Variants in VCPIP1 observed in about 807,000 individuals in gnomAD.
VCPIP1 encodes deubiquitinating protein VCPIP1.
A neutral mutation model predicts 85.0 loss-of-function variants in VCPIP1; 8 were observed. That is an observed-to-expected ratio of 0.09 (90% confidence interval 0.06 to 0.17). The LOEUF (loss-of-function observed/expected upper bound fraction) is 0.17, where lower values mean the gene tolerates loss of function less well. Among genes scored for constraint, VCPIP1 ranks in the 10% least tolerant of loss-of-function variants. The probability of loss-of-function intolerance (pLI) is 1.00; values close to 1 mark genes in which losing one functional copy is unlikely to be tolerated. For synonymous variants in VCPIP1, 543 were observed against 544.5 expected, an observed-to-expected ratio of 1.00 and a Z score of 0.04; for missense variants, 1,070 against 1,486.3, an observed-to-expected ratio of 0.72 and a Z score of 4.61.
At position 66,665,109 on chromosome 8, in the gene VCPIP1, G is replaced by T; in HGVS notation, c.1850C>A (p.Ser617Tyr). Residue 617 changes from serine (S) to tyrosine (Y), a missense_variant, in exon 1 of 3, where the codon TCT becomes TAT. Physicochemically the swap from Ser to Tyr is moderately radical, Grantham distance 144 (BLOSUM62 -2). This residue lies in a region of VCPIP1 where 123 missense variants were observed against 156.3 expected (regional missense o/e 0.79). Transcript: ENST00000310421. The surrounding 1 kb of genome is among the most constrained non-coding windows in gnomAD (Gnocchi z 4.3). Reference protein sequence around the residue: ...VYWFQYESDSSLNSNVYDVAM... With the variant: ...VYWFQYESDSYLNSNVYDVAM... ...AACATCGTAAACATTACTATTCAAA[G>T]ATGAATCACTTTCATACTGGAACCA... 1 of 1,613,480 alleles carries T rather than the reference G, an allele frequency of 6.2e-7. No homozygotes were observed. Among genetic ancestry groups the T allele is most frequent in the Non-Finnish European group, 8.5e-7 (1 of 1,179,570 alleles).
chr8:66,660,736 T>A (rs1381325045), intron 1 of VCPIP1, among the ~76,000 whole-genome samples: 1 of 151,594 alleles, frequency 6.6e-6, no homozygotes, highest in Non-Finnish European at 1.5e-5. Context: ...TAGGAACATC[T>A]TTTTTTTTAA....
In VCPIP1 at chr8:66,664,744, GTTC is replaced by G. The variant is rs1472253104; in HGVS notation, c.2212_2214del (p.Glu738del). On this transcript the variant is annotated inframe_deletion, in exon 1 of 3. Transcript: ENST00000310421. ...GAAACAGTCCTGGGTTGCCCTTTTT[GTTC>G]TTGTTTTAACTTCTCTGTTTTCCGT... The G allele has an allele frequency of 1.9e-6, 3 of 1,612,850 alleles. No homozygotes were observed. The highest frequency in any genetic ancestry group is 1.1e-5 in the South Asian group (1 of 90,970).
At chr8:66,643,089 G>A (rs940727254) in intron 2 of VCPIP1, among the ~76,000 whole-genome samples, 9 of 151,468 alleles carry the variant, frequency 5.9e-5, no homozygotes, top group African/African-American at 9.7e-5. Flanking sequence ...TTGGGAGCCC[G>A]AGGTGTGCAG....
rs1384274529 is a variant in VCPIP1, at chr8:66,630,480, G to A, written c.*4021C>T. On this transcript the variant is annotated 3_prime_UTR_variant, in exon 3 of 3. Coordinates refer to ENST00000310421, the MANE Select transcript of VCPIP1 (RefSeq NM_025054.5). ...TACCACAGGCATAATAAGGGCTCAG[G>A]ACGAGATTTCTGCATTCTAAAGAAA... The A allele has an allele frequency of 6.6e-6, 1 of 152,526 alleles. No individual in the cohort carries two copies. Among genetic ancestry groups the A allele is most frequent in the African/African-American group, 2.4e-5 (1 of 41,404 alleles). The allele number at this position is 152,526 out of a possible 1,614,324, so 9.4% of individuals were successfully genotyped here.
Position 66,629,295 on chromosome 8 carries a change from C to T in VCPIP1, c.*5206G>A, listed in dbSNP as rs1465035484. The T allele has an allele frequency of 1.3e-5, 2 of 152,096 alleles. No individual in the cohort carries two copies. Among genetic ancestry groups the T allele is most frequent in the African/African-American group, 4.8e-5 (2 of 41,400 alleles). 9.4% of individuals were successfully genotyped at this position (152,096 alleles called of 1,614,324 possible). On this transcript the variant is annotated 3_prime_UTR_variant, in exon 3 of 3. Coordinates refer to ENST00000310421, the MANE Select transcript of VCPIP1 (RefSeq NM_025054.5). ...GAGTCAGACCTAGGCAGTCTGGTGT[C>T]TAAGGCTATACTCTAAATTATTGAG...
intron 2 of VCPIP1, among the ~76,000 whole-genome samples, chr8:66,639,652 T>C (rs1341624972): frequency 5.3e-5 from 8 of 152,238 alleles, no homozygotes; most frequent in African/African-American, 1.9e-4. Context: ...AGAATACCTT[T>C]CCAAAAATGA....
rs1810860668 is a variant in VCPIP1, at chr8:66,634,100, T to C, written c.*401A>G. Reference sequence around the variant, plus strand: ...AACCTTTTGACACTAGTATATGAGATGGTTACCTTGATGACATCAACATTA... The same window carrying C: ...AACCTTTTGACACTAGTATATGAGACGGTTACCTTGATGACATCAACATTA... On this transcript the variant is annotated 3_prime_UTR_variant, in exon 3 of 3. Coordinates refer to ENST00000310421, the MANE Select transcript of VCPIP1 (RefSeq NM_025054.5). 1 of 157,906 alleles carries C rather than the reference T, an allele frequency of 6.3e-6. No homozygotes were observed. The highest frequency in any genetic ancestry group is 2.4e-5 in the African/African-American group (1 of 41,682). The allele number at this position is 157,906 out of a possible 1,614,324, so 9.8% of individuals were successfully genotyped here. A position where few individuals can be genotyped will look rare whatever the true frequency, so the allele number is the denominator to read the frequency against.
At chr8:66,659,227 T>G (rs751174973) in intron 1 of VCPIP1, among the ~76,000 whole-genome samples, 1 of 151,538 alleles carries the variant, frequency 6.6e-6, no homozygotes, top group Non-Finnish European at 1.5e-5. Context: ...GAAAGAGTGT[T>G]GCTCTGTTGC....
At chr8:66,650,393 G>A (rs898036503) in intron 2 of VCPIP1, among the ~76,000 whole-genome samples, 11 of 152,144 alleles carry the variant, frequency 7.2e-5, no homozygotes, top group African/African-American at 2.7e-4. Context: ...ACAGTGGCCA[G>A]GTAGGTGAAA....
At position 66,651,553 on chromosome 8, in the gene VCPIP1, C is replaced by G; in HGVS notation, c.2711-9G>C. The G allele has an allele frequency of 6.2e-7, 1 of 1,608,364 alleles. No homozygotes were observed. The highest frequency in any genetic ancestry group is 8.5e-7 in the Non-Finnish European group (1 of 1,176,962). On this transcript the variant is annotated splice_polypyrimidine_tract_variant and intron_variant, in intron 1 of 2. Transcript: ENST00000310421. ...AGACCATACATCTTCTCCTGTAAGA[C>G]AAAAACAGATATAGTATTAGCAACA...
At chr8:66,638,970 C>CTCTCTCTCTCTCTATATATATATATATA in intron 2 of VCPIP1, among the ~76,000 whole-genome samples, 8 of 118,434 alleles carry the variant, frequency 6.8e-5, no homozygotes, top group African/African-American at 1.9e-4. Context: ...CTCTCTCTCT[C>CTCTCTCTCTCTCTATATATATATATATA]TATATATATA....
intron 2 of VCPIP1, among the ~76,000 whole-genome samples, chr8:66,648,178 A>T (rs572521261): frequency 1.1e-4 from 16 of 152,348 alleles, no homozygotes; most frequent in African/African-American, 3.6e-4. Context: ...CTAGTTATTC[A>T]AAGTGTTTTT....
rs574862668 is a variant in VCPIP1 at position 66,660,112 on chromosome 8, T to A, written c.2710+4137A>T. On this transcript the variant is annotated intron_variant, in intron 1 of 2. Transcript: ENST00000310421. ...CTTCAGCTGAAAGCCTGCAGGTAAGTTAATGGAGGGCAAGCACTGACTTTC... is the reference window on the plus strand; with the variant it reads ...CTTCAGCTGAAAGCCTGCAGGTAAGATAATGGAGGGCAAGCACTGACTTTC... 5.3e-5 allele frequency among the ~76,000 whole-genome samples: 8 copies of A among 152,248 alleles called. No individual in the cohort carries two copies. The South Asian group carries it at 1.7e-3, about 32-fold the overall frequency.
At chr8:66,659,919 GA>G (rs951458216) in intron 1 of VCPIP1, among the ~76,000 whole-genome samples, 8 of 145,586 alleles carry the variant, frequency 5.5e-5, no homozygotes, top group African/African-American at 1.3e-4. Flanking sequence ...TCTGTCTCCA[GA>G]AAAAAAAAAG....
Position 66,629,030 on chromosome 8 carries a change from A to C in VCPIP1, c.*5471T>G, listed in dbSNP as rs2031190062. ...GTACAAGTAAAATAAGTTTTAATGT[A>C]ACAAATTATTTAAATAATGTGTGCC... On this transcript the variant is annotated 3_prime_UTR_variant, in exon 3 of 3. Coordinates refer to ENST00000310421, the MANE Select transcript of VCPIP1 (RefSeq NM_025054.5). 1 of 152,250 alleles carries C rather than the reference A, an allele frequency of 6.6e-6. No individual in the cohort carries two copies. The highest frequency in any genetic ancestry group is 2.4e-5 in the African/African-American group (1 of 41,472). The allele number at this position is 152,250 out of a possible 1,614,324, so 9.4% of individuals were successfully genotyped here. A position where few individuals can be genotyped will look rare whatever the true frequency, so the allele number is the denominator to read the frequency against.
chr8:66,666,776 C>T lies in VCPIP1; in HGVS notation c.183G>A (p.Pro61=). 2 of 1,613,452 alleles carry T rather than the reference C, an allele frequency of 1.2e-6. No individual in the cohort carries two copies. Among genetic ancestry groups the T allele is most frequent in the Non-Finnish European group, 1.7e-6 (2 of 1,179,544 alleles). Residue 61 remains proline, a synonymous_variant, in exon 1 of 3, where the codon CCG becomes CCA. Transcript: ENST00000310421. The surrounding 1 kb of genome is among the most constrained non-coding windows in gnomAD (Gnocchi z 6.3). ...DPKCQARLFF[P]ASGSVSIECT... Reference sequence around the variant, plus strand: ...ACTCGATGCTGACAGAACCGGAGGCCGGGAAAAATAGACGCGCCTGACACT... The same window carrying T: ...ACTCGATGCTGACAGAACCGGAGGCTGGGAAAAATAGACGCGCCTGACACT...
At position 66,634,578 on chromosome 8, in the gene VCPIP1, A is replaced by G. The variant is rs1031997393; in HGVS notation, c.3592T>C (p.Ser1198Pro). The stretch of plus-strand genomic sequence containing the variant: ...TCCATCTCTTCAAGCTCCTCCACGG[A>G]ATTTCCCCTTTGTGCTTTTGACCTT... ...ATRSKAQRGN[S>P]VEELEEMDSQ... The change falls in exon 3 of 3, where the codon TCC (serine) becomes CCC (proline). Residue 1198 changes from serine to proline, a missense_variant. Transcript: ENST00000310421. 1 of 1,614,104 alleles carries G rather than the reference A, an allele frequency of 6.2e-7. No homozygotes were observed. The highest frequency in any genetic ancestry group is 8.5e-7 in the Non-Finnish European group (1 of 1,180,022).
intron 2 of VCPIP1, among the ~76,000 whole-genome samples, 168 bp from the exon 3 acceptor site, chr8:66,635,540 C>T (rs1810875902): frequency 6.6e-6 from 1 of 152,144 alleles, no homozygotes; most frequent in South Asian, 2.1e-4. Context: ...GAACCACCGC[C>T]ATAGACCCTA....
In VCPIP1 at chr8:66,632,855, T is replaced by C. The variant is rs1810847608; in HGVS notation, c.*1646A>G. The C allele has an allele frequency of 6.6e-6, 1 of 152,088 alleles. No individual in the cohort carries two copies. The highest frequency in any genetic ancestry group is 2.4e-5 in the African/African-American group (1 of 41,446). 9.4% of individuals were successfully genotyped at this position (152,088 alleles called of 1,614,324 possible). A position where few individuals can be genotyped will look rare whatever the true frequency, so the allele number is the denominator to read the frequency against. On this transcript the variant is annotated 3_prime_UTR_variant, in exon 3 of 3. Coordinates refer to ENST00000310421, the MANE Select transcript of VCPIP1 (RefSeq NM_025054.5). Reference sequence around the variant, plus strand: ...GTGTACAATATAAAAGTTTAAAAATTTCCTGCTGTTTTGATAGGGAGAAAA... The same window carrying C: ...GTGTACAATATAAAAGTTTAAAAATCTCCTGCTGTTTTGATAGGGAGAAAA...
Sources: gnomAD v4.1 joint callset for allele counts (sites outside exome capture counted in the v4.1 genomes callset) on GRCh38, gnomAD v4.1.1 for gene constraint, gnomAD v4.1.1 regional missense constraint, Gnocchi (gnomAD v3.1) non-coding constraint, MANE v1.5 for transcripts, NCBI Gene and HGNC (gene_info 2026-07-23, HGNC 2026-07-21) for gene names.